Variants in HYCC2 observed in about 807,000 individuals in gnomAD.
The protein encoded by HYCC2 is hyccin PI4KA lipid kinase complex subunit 2, also known as hyccin 2.
chr2:200,976,959 T>G, the HYCC2 span: 1 of 152,190 alleles, frequency 6.6e-6, no homozygotes, highest in Admixed American at 6.5e-5. Flanking sequence ...AAAATTACTT[T>G]AAAATAACTA....
chr2:200,984,608 G>C, the HYCC2 span, among the ~76,000 whole-genome samples: 6 of 152,196 alleles, frequency 3.9e-5, no homozygotes, highest in Admixed American at 1.3e-4. Context: ...AGCTTGGTGG[G>C]GTATGGTGGC....
the HYCC2 span, chr2:200,980,996 A>G: frequency 2.1e-6 from 1 of 473,584 alleles, no homozygotes; most frequent in African/African-American, 2.0e-5. Flanking sequence ...TGGATTGCAC[A>G]TCACCCAAGG....
chr2:201,002,309 T>C, the HYCC2 span, among the ~76,000 whole-genome samples: 2 of 146,782 alleles, frequency 1.4e-5, no homozygotes, highest in Non-Finnish European at 3.0e-5. Flanking sequence ...ACAAAGGACA[T>C]GAATATGCAG....
At chr2:201,022,219 G>A in the HYCC2 span, 1 of 547,368 alleles carries the variant, frequency 1.8e-6, no homozygotes, top group Non-Finnish European at 3.1e-6. Context: ...CTGTGTTAAT[G>A]GAAAGATAAT....
chr2:201,053,878 C>T, the HYCC2 span, among the ~76,000 whole-genome samples: 13 of 152,272 alleles, frequency 8.5e-5, no homozygotes, highest in East Asian at 5.8e-4. Context: ...GTAGGAGAAT[C>T]GTTTGAACCC....
At chr2:201,009,147 C>T in the HYCC2 span, 1 of 995,524 alleles carries the variant, frequency 1.0e-6, no homozygotes, top group African/African-American at 1.6e-5. Flanking sequence ...AAATCTGTAT[C>T]ATGTAATAAT....
the HYCC2 span, among the ~76,000 whole-genome samples, chr2:201,052,477 A>G: frequency 6.6e-6 from 1 of 151,772 alleles, no homozygotes; most frequent in Non-Finnish European, 1.5e-5. Flanking sequence ...GCATGGTGGC[A>G]CAAGCCTGTA....
chr2:201,063,412 T>C, the HYCC2 span: 1 of 1,590,026 alleles, frequency 6.3e-7, no homozygotes, highest in Admixed American at 1.7e-5. Context: ...AAAAGATATT[T>C]GTTGGTGGCA....
chr2:201,047,590 G>A, the HYCC2 span, among the ~76,000 whole-genome samples: 1 of 151,128 alleles, frequency 6.6e-6, no homozygotes, highest in Non-Finnish European at 1.5e-5. Context: ...AATTCAGAAC[G>A]CTCTGCCAAC....
the HYCC2 span, among the ~76,000 whole-genome samples, chr2:201,014,402 A>G: frequency 6.6e-6 from 1 of 152,178 alleles, no homozygotes; most frequent in Non-Finnish European, 1.5e-5. Context: ...TCCTAGATCA[A>G]TTTTCATTTT....
the HYCC2 span, chr2:200,981,763 G>A: frequency 9.3e-6 from 15 of 1,614,024 alleles, no homozygotes; most frequent in African/African-American, 2.0e-4. The surrounding 1 kb of genome is among the most constrained non-coding windows in gnomAD (Gnocchi z 4.5). Context: ...AGAAGAGGAG[G>A]ATGGTTTGGT....
chr2:200,996,112 A>T, the HYCC2 span: 1 of 150,426 alleles, frequency 6.6e-6, no homozygotes, highest in Middle Eastern at 3.4e-3. Flanking sequence ...GATCACTGCA[A>T]CCCTGCCTAC....
the HYCC2 span, among the ~76,000 whole-genome samples, chr2:200,999,793 G>A: frequency 6.6e-6 from 1 of 150,840 alleles, no homozygotes; most frequent in Non-Finnish European, 1.5e-5. Context: ...GCTGGGCGCA[G>A]TGGCTCACAT....
At chr2:201,036,315 TA>T in the HYCC2 span, among the ~76,000 whole-genome samples, 1 of 152,286 alleles carries the variant, frequency 6.6e-6, no homozygotes, top group East Asian at 1.9e-4. Context: ...ACCAGAGGTA[TA>T]AGGAGGAGCT....
At chr2:200,990,300 A>C in the HYCC2 span, among the ~76,000 whole-genome samples, 3 of 152,226 alleles carry the variant, frequency 2.0e-5, no homozygotes, top group Admixed American at 6.5e-5. Context: ...AAATAAACAC[A>C]CATTACCAAA....
At chr2:201,035,189 CAG>C in the HYCC2 span, among the ~76,000 whole-genome samples, 2 of 152,208 alleles carry the variant, frequency 1.3e-5, no homozygotes. Context: ...TAATCTCCTG[CAG>C]AGTGTTTTCC....
At chr2:200,993,173 G>GATAAAAA in the HYCC2 span, among the ~76,000 whole-genome samples, 1 of 152,124 alleles carries the variant, frequency 6.6e-6, no homozygotes, top group Non-Finnish European at 1.5e-5. Context: ...ACAGGTGAAA[G>GATAAAAA]ATAAAAAATA....
At chr2:201,023,866 G>A in the HYCC2 span, 1 of 921,758 alleles carries the variant, frequency 1.1e-6, no homozygotes, top group Admixed American at 2.0e-5. Context: ...TTTCTCCATA[G>A]AGCACATAAT....
chr2:201,033,178 T>TGG, the HYCC2 span, among the ~76,000 whole-genome samples: 962 of 145,866 alleles, frequency 6.6e-3, 11 homozygotes, highest in Non-Finnish European at 0.011. Flanking sequence ...TGTGTGTGTG[T>TGG]GTGTGTGTGT....
Sources: gnomAD v4.1 joint callset for allele counts (sites outside exome capture counted in the v4.1 genomes callset) on GRCh38, gnomAD v4.1.1 for gene constraint, Gnocchi (gnomAD v3.1) non-coding constraint, MANE v1.5 for transcripts, NCBI Gene and HGNC (gene_info 2026-07-23, HGNC 2026-07-21) for gene names.